The following MTRF1 variants were observed in gnomAD, a reference collection of about 807,000 sequenced individuals.
MTRF1 encodes mitochondrial translation release factor 1.
Under a neutral mutation model 62.9 loss-of-function variants are expected in MTRF1, and 51 were observed. That is an observed-to-expected ratio of 0.81 (90% CI 0.65 to 1.02). MTRF1 has a LOEUF of 1.02. MTRF1 is among the 50% of genes least tolerant of loss of function. The pLI, the probability that MTRF1 is intolerant of heterozygous loss-of-function variation, is 0.00. For missense variants in MTRF1, 446 were observed against 530.0 expected, an observed-to-expected ratio of 0.84 and a Z score of 1.56; for synonymous variants, 158 against 181.9, an observed-to-expected ratio of 0.87 and a Z score of 1.06.
intron 9 of MTRF1, among the ~76,000 whole-genome samples, chr13:41,217,657 C>G (rs1216951654): frequency 1.3e-5 from 2 of 152,120 alleles, no homozygotes; most frequent in Non-Finnish European, 2.9e-5. Flanking sequence ...CCTGAAAATT[C>G]TACCCTTTTC....
At chr13:41,281,918 C>A in the MTRF1 span, among the ~76,000 whole-genome samples, 1 of 152,002 alleles carries the variant, frequency 6.6e-6, no homozygotes, top group Non-Finnish European at 1.5e-5. Flanking sequence ...GGGCAGATCA[C>A]GAGGTCAGGA....
At chr13:41,305,100 G>A in the MTRF1 span, among the ~76,000 whole-genome samples, 1 of 152,198 alleles carries the variant, frequency 6.6e-6, no homozygotes, top group Non-Finnish European at 1.5e-5. Flanking sequence ...TGTAGTCAGA[G>A]TGATTTAATG....
At chr13:41,295,730 T>A in the MTRF1 span, among the ~76,000 whole-genome samples, 1 of 152,186 alleles carries the variant, frequency 6.6e-6, no homozygotes, top group Non-Finnish European at 1.5e-5. Context: ...AATGAATAAC[T>A]ATTATTTAAC....
In MTRF1 at chr13:41,260,911, A is replaced by T; in HGVS notation, c.-4T>A. The T allele has an allele frequency of 6.3e-7, 1 of 1,588,272 alleles. No homozygotes were observed. The highest frequency in any genetic ancestry group is 8.6e-7 in the Non-Finnish European group (1 of 1,166,600). ...AAACACACAGGTGACGATTCATCTC[A>T]GCATCTGAAATACAATAAACACAGT... is the stretch of plus-strand genomic sequence containing the variant. On this transcript the variant is annotated 5_prime_UTR_variant, in exon 2 of 10. Transcript: ENST00000379480.
the MTRF1 span, among the ~76,000 whole-genome samples, chr13:41,289,899 G>A: frequency 6.6e-6 from 1 of 151,996 alleles, no homozygotes; most frequent in Non-Finnish European, 1.5e-5. Flanking sequence ...ATATTCACCT[G>A]ACCTCCCGCC....
At chr13:41,249,419 T>C (rs1566139610) in intron 5 of MTRF1, among the ~76,000 whole-genome samples, 1 of 151,530 alleles carries the variant, frequency 6.6e-6, no homozygotes, top group Non-Finnish European at 1.5e-5. Flanking sequence ...CGGGTGCCTG[T>C]AGTCCCAGCT....
chr13:41,295,733 T>A, the MTRF1 span, among the ~76,000 whole-genome samples: 10 of 152,288 alleles, frequency 6.6e-5, no homozygotes, highest in East Asian at 1.5e-3. Context: ...GAATAACTAT[T>A]ATTTAACAGT....
the MTRF1 span, among the ~76,000 whole-genome samples, chr13:41,272,560 C>T: frequency 9.9e-4 from 150 of 152,166 alleles, no homozygotes; most frequent in African/African-American, 3.4e-3. Context: ...ACAACAACAA[C>T]GAAACCCAAC....
the MTRF1 span, among the ~76,000 whole-genome samples, chr13:41,294,023 T>C: frequency 6.6e-6 from 1 of 152,192 alleles, no homozygotes; most frequent in South Asian, 2.1e-4. Context: ...CTAGGTTTCA[T>C]TAAATTTAAG....
rs146204247 is a variant in MTRF1 at position 41,240,102 on chromosome 13, G to C, written c.870+159C>G. Among the ~76,000 whole-genome samples the C allele has an allele frequency of 2.9e-4, 44 of 152,024 alleles. 1 individual carries two copies. In the East Asian group the frequency reaches 5.4e-3, roughly 19 times the overall value. On this transcript the variant is annotated intron_variant, in intron 6 of 9. Transcript: ENST00000379480. The stretch of plus-strand genomic sequence containing the variant: ...TGTTTGAACCAGGGAGGTGGAGGTT[G>C]CAGTGAGCAGAGATCGCGCCACTGT...
rs1424850746 is a variant in MTRF1, at chr13:41,226,533, T to C, written c.1024A>G (p.Ile342Val). The change falls in exon 8 of 10, where the codon ATA becomes GTA. Residue 342 changes from isoleucine to valine, a missense_variant. Ile to Val is a conservative substitution (Grantham distance 29). Coordinates refer to ENST00000379480, the MANE Select transcript of MTRF1 (RefSeq NM_004294.4). ...VVECQQERSQ[I>V]KNKEIAFRVL... ...CGAAAGGCTATTTCTTTATTTTTTATCTGTGATCTTTCTTGTTGGCATTCT... is the reference window on the plus strand; with the variant it reads ...CGAAAGGCTATTTCTTTATTTTTTACCTGTGATCTTTCTTGTTGGCATTCT... The C allele has an allele frequency of 6.2e-7, 1 of 1,614,038 alleles. No homozygotes were observed. Among genetic ancestry groups the C allele is most frequent in the Non-Finnish European group, 8.5e-7 (1 of 1,179,992 alleles).
chr13:41,252,814 A>AAGTC, intron 4 of MTRF1, 62 bp from the exon 5 acceptor site: 2 of 1,447,656 alleles, frequency 1.4e-6, no homozygotes. Context: ...CCTTAAGACT[A>AAGTC]AGTCCTTTAG....
chr13:41,231,926 C>T (rs1049877346), intron 7 of MTRF1, among the ~76,000 whole-genome samples: 5 of 149,240 alleles, frequency 3.4e-5, no homozygotes, highest in Admixed American at 2.7e-4. Context: ...TGGTGGCAAG[C>T]GCCTATAGTT....
the MTRF1 span, among the ~76,000 whole-genome samples, chr13:41,287,034 T>C: frequency 6.6e-6 from 1 of 152,238 alleles, no homozygotes; most frequent in African/African-American, 2.4e-5. Flanking sequence ...TAATGCTTAG[T>C]GTTCTTAACA....
chr13:41,235,906 TTTTG>T (rs2036442612), intron 6 of MTRF1: 2 of 152,548 alleles, frequency 1.3e-5, no homozygotes, highest in Middle Eastern at 3.4e-3. Flanking sequence ...TTTGTTTGTT[TTTTG>T]TTTTTTTTTT....
At chr13:41,286,779 C>A in the MTRF1 span, among the ~76,000 whole-genome samples, 1 of 151,984 alleles carries the variant, frequency 6.6e-6, no homozygotes, top group Admixed American at 6.6e-5. Context: ...TTTTTTTTAA[C>A]AAAAATTCAG....
At chr13:41,274,632 T>C in the MTRF1 span, among the ~76,000 whole-genome samples, 1 of 151,564 alleles carries the variant, frequency 6.6e-6, no homozygotes, top group African/African-American at 2.4e-5. Context: ...CCACGATAAC[T>C]TTGACATGAA....
the MTRF1 span, among the ~76,000 whole-genome samples, chr13:41,273,186 C>A: frequency 1.5e-3 from 234 of 151,964 alleles, no homozygotes; most frequent in Non-Finnish European, 2.9e-3. Flanking sequence ...ATTAGCTGGG[C>A]GTGGTGGTGG....
At chr13:41,265,970 C>T (rs768684868), upstream of MTRF1, among the ~76,000 whole-genome samples, 6 of 152,114 alleles carry the variant, frequency 3.9e-5, no homozygotes, top group Non-Finnish European at 4.4e-5. Flanking sequence ...CTGCCTCATC[C>T]TCCCAAGTAG....
Sources: gnomAD v4.1 joint callset for allele counts (sites outside exome capture counted in the v4.1 genomes callset) on GRCh38, gnomAD v4.1.1 for gene constraint, MANE v1.5 for transcripts, NCBI Gene and HGNC (gene_info 2026-07-23, HGNC 2026-07-21) for gene names.